The following MIB2 variants were observed in gnomAD, a reference collection of about 807,000 sequenced individuals.
The protein encoded by MIB2 is MIB E3 ubiquitin protein ligase 2.
A neutral mutation model predicts 96.6 loss-of-function variants in MIB2; 78 were observed. The observed-to-expected ratio is 0.81, with a 90% CI of 0.67 to 0.97. The LOEUF is 0.97. Among genes scored for constraint, MIB2 ranks in the 50% least tolerant of loss-of-function variants. The pLI is 0.00. For missense variants in MIB2, 1,543 were observed against 1,424.0 expected, an observed-to-expected ratio of 1.08 and a Z score of -1.35; for synonymous variants, 820 against 629.5, an observed-to-expected ratio of 1.30 and a Z score of -4.53.
intron 2 of MIB2, among the ~76,000 whole-genome samples, chr1:1,619,765 C>T (rs1569637097): frequency 6.6e-6 from 1 of 152,284 alleles, no homozygotes; most frequent in East Asian, 1.9e-4. Context: ...GGGGCTGGTT[C>T]CAGGCACAAG....
Position 1,628,660 on chromosome 1 carries a change from C to T in MIB2, c.2140C>T (p.Leu714=), listed in dbSNP as rs749374291. 3 of 1,587,842 alleles carry T rather than the reference C, an allele frequency of 1.9e-6. No homozygotes were observed. The highest frequency in any genetic ancestry group is 2.6e-6 in the Non-Finnish European group (3 of 1,170,028). ...GCACGTGGCGCTGCAGCGTCATCAG[C>T]TGCTGCCCCTGGTGGCTGATGGGGC... is the stretch of plus-strand genomic sequence containing the variant. ...ALHVALQRHQ[L]LPLVADGAGG... The change falls in exon 16 of 20, where the codon CTG becomes TTG. Residue 714 remains leucine (L), a synonymous_variant. Transcript: ENST00000355826.
rs758619966 is a variant in MIB2 at position 1,629,621 on chromosome 1, G to A, written c.2564-18G>A. Reference sequence around the variant, plus strand: ...CCGGCTAGTAGGGCCGCAGCCAACCGCGCTCTCCTCTTCGCAGAGTGCGCG... The same window carrying A: ...CCGGCTAGTAGGGCCGCAGCCAACCACGCTCTCCTCTTCGCAGAGTGCGCG... On this transcript the variant is annotated intron_variant, in intron 18 of 19. Transcript: ENST00000355826. 3.8e-6 allele frequency: 6 copies of A among 1,576,246 alleles called. No individual in the cohort carries two copies. Among genetic ancestry groups the A allele is most frequent in the Middle Eastern group, 1.7e-4 (1 of 5,954 alleles).
rs751140238 is a variant in MIB2 at position 1,627,808 on chromosome 1, C to T, written c.1659C>T (p.Arg553=). 28 of 1,599,130 alleles carry T rather than the reference C, an allele frequency of 1.8e-5. No individual in the cohort carries two copies. In the African/African-American group the frequency reaches 1.9e-4, roughly 11 times the overall value. The change falls in exon 13 of 20, where the codon CGC becomes CGT. Residue 553 remains arginine, a synonymous_variant. Transcript: ENST00000355826. ...FLEVVRALCE[R]GCDVNLPDAH... ...AGGTGGTGCGGGCCCTGTGTGAGCG[C>T]GGCTGTGACGTCAACCTGCCCGTGA...
In MIB2 at chr1:1,629,119, G is replaced by A; in HGVS notation, c.2203-14G>A. On this transcript the variant is annotated splice_polypyrimidine_tract_variant and intron_variant, in intron 16 of 19. Coordinates refer to ENST00000355826, the MANE Select transcript of MIB2 (RefSeq NM_001170687.4). ...CCGGCGCCCGCCCTCACCGGCGTCTGTCCTGCCGCCCAGCTACAGGCCTCG... is the reference window on the plus strand; with the variant it reads ...CCGGCGCCCGCCCTCACCGGCGTCTATCCTGCCGCCCAGCTACAGGCCTCG... 1 of 1,474,078 alleles carries A rather than the reference G, an allele frequency of 6.8e-7. No homozygotes were observed. The highest frequency in any genetic ancestry group is 8.9e-7 in the Non-Finnish European group (1 of 1,122,254). The allele number at this position is 1,474,078 out of a possible 1,614,324, so 91.3% of individuals were successfully genotyped here.
intron 2 of MIB2, 50 bp downstream of exon 2, chr1:1,616,664 C>T (rs758230893): frequency 2.1e-6 from 3 of 1,450,350 alleles, no homozygotes; most frequent in South Asian, 1.3e-5. Flanking sequence ...GGCTCTCCCA[C>T]TTTGGGGCTC....
intron 2 of MIB2, among the ~76,000 whole-genome samples, chr1:1,620,571 C>T (rs1439261313): frequency 6.6e-6 from 1 of 152,196 alleles, no homozygotes; most frequent in Non-Finnish European, 1.5e-5. Context: ...GTGGGGTCTG[C>T]AACCCTAAGG....
rs765453652 is a variant in MIB2 at position 1,629,160 on chromosome 1, G to A, written c.2230G>A (p.Ala744Thr). The A allele has an allele frequency of 1.1e-5, 16 of 1,502,130 alleles. No individual in the cohort carries two copies. The Admixed American group carries it at 3.4e-4, about 32-fold the overall frequency. 93.1% of individuals were successfully genotyped at this position (1,502,130 alleles called of 1,614,324 possible). ...ACAGGCCTCGGGCCTCCCCGGCAGC[G>A]CGGAGCTGACGGTGGGCGCGGCGGT... The part of the protein sequence containing the change: ...RLQASGLPGS[A>T]ELTVGAAVAC... Residue 744 changes from alanine to threonine, a missense_variant, in exon 17 of 20, where the codon GCG (alanine) becomes ACG (threonine). Coordinates refer to ENST00000355826, the MANE Select transcript of MIB2 (RefSeq NM_001170687.4).
Position 1,628,099 on chromosome 1 carries a change from G to A in MIB2, c.1761G>A (p.Glu587=). 6.2e-7 allele frequency: 1 copy of A among 1,613,326 alleles called. No homozygotes were observed. The highest frequency in any genetic ancestry group is 2.2e-5 in the East Asian group (1 of 44,862). ...GCGGCATTGTCGAGGTCCTCACGGAGGTGCCAAACATCGATGTTACCGCCA... is the reference window on the plus strand; with the variant it reads ...GCGGCATTGTCGAGGTCCTCACGGAAGTGCCAAACATCGATGTTACCGCCA... ...GASGIVEVLT[E]VPNIDVTATN... The change falls in exon 14 of 20, where the codon GAG becomes GAA. Residue 587 remains glutamate (E), a synonymous_variant. Coordinates refer to ENST00000355826, the MANE Select transcript of MIB2 (RefSeq NM_001170687.4).
At position 1,629,236 on chromosome 1, in the gene MIB2, G is replaced by C; in HGVS notation, c.2306G>C (p.Arg769Pro). 6.5e-7 allele frequency: 1 copy of C among 1,544,872 alleles called. No individual in the cohort carries two copies. The highest frequency in any genetic ancestry group is 2.6e-5 in the East Asian group (1 of 39,032). The change falls in exon 17 of 20, where the codon CGC (arginine) becomes CCC (proline). Residue 769 changes from arginine to proline, a missense_variant. Coordinates refer to ENST00000355826, the MANE Select transcript of MIB2 (RefSeq NM_001170687.4). ...EGADVSYTNH[R>P]GRSPLDLAAE... Reference sequence around the variant, plus strand: ...GCCGACGTGAGCTACACCAACCACCGCGGTCGGAGCCCGCTGGACCTGGCC... The same window carrying C: ...GCCGACGTGAGCTACACCAACCACCCCGGTCGGAGCCCGCTGGACCTGGCC...
Position 1,630,326 on chromosome 1 carries a change from C to A in MIB2, c.2664C>A (p.Pro888=). 1 of 1,532,690 alleles carries A rather than the reference C, an allele frequency of 6.5e-7. No homozygotes were observed. The highest frequency in any genetic ancestry group is 2.5e-5 in the East Asian group (1 of 39,722). The allele number at this position is 1,532,690 out of a possible 1,614,324, so 94.9% of individuals were successfully genotyped here. ...AGGTGGCGAGCGCCGCCCCCGCCCC[C>A]GGCCCGCCGCGCCAGCTGGTGGAGG... ...GSEVASAAPA[P]GPPRQLVEEL... Residue 888 remains proline, a synonymous_variant, in exon 20 of 20, where the codon CCC becomes CCA. Coordinates refer to ENST00000355826, the MANE Select transcript of MIB2 (RefSeq NM_001170687.4).
chr1:1,629,059 G>A (rs1478336094), intron 16 of MIB2, 74 bp from the exon 17 acceptor site: 2 of 1,344,218 alleles, frequency 1.5e-6, no homozygotes, highest in South Asian at 3.4e-5. Context: ...TGCTGGGGCT[G>A]CCAGGTGCCA....
intron 2 of MIB2, among the ~76,000 whole-genome samples, chr1:1,621,666 C>G (rs1644269150): frequency 6.6e-6 from 1 of 152,376 alleles, no homozygotes; most frequent in Admixed American, 6.5e-5. Context: ...AAACATCCAC[C>G]CATTCCTGTG....
rs1644487650 is a variant in MIB2, at chr1:1,623,867, T to C, written c.341T>C (p.Leu114Pro). Reference sequence around the variant, plus strand: ...TGCCGTGTGTGCCTGGACTACGACCTCTGCACGCAGTGCTACATGCACAAC... The same window carrying C: ...TGCCGTGTGTGCCTGGACTACGACCCCTGCACGCAGTGCTACATGCACAAC... ...WKCRVCLDYD[L>P]CTQCYMHNKH... The change falls in exon 4 of 20, where the codon CTC becomes CCC. Residue 114 changes from leucine (L) to proline (P), a missense_variant. Leu to Pro is a moderately conservative substitution (Grantham distance 98). Coordinates refer to ENST00000355826, the MANE Select transcript of MIB2 (RefSeq NM_001170687.4). 6.2e-7 allele frequency: 1 copy of C among 1,611,790 alleles called. No individual in the cohort carries two copies. The highest frequency in any genetic ancestry group is 1.3e-5 in the African/African-American group (1 of 74,894).
At chr1:1,628,817 G>A (rs953764416) in intron 16 of MIB2, 95 bp downstream of exon 16, 1 of 1,120,426 alleles carries the variant, frequency 8.9e-7, no homozygotes, top group Non-Finnish European at 1.2e-6. Flanking sequence ...TTCCCCTCCA[G>A]TGATGGCCCA....
chr1:1,625,668 G>A lies in MIB2; in HGVS notation c.972+15G>A. 6.5e-7 allele frequency: 1 copy of A among 1,546,078 alleles called. No homozygotes were observed. Among genetic ancestry groups the A allele is most frequent in the Non-Finnish European group, 8.7e-7 (1 of 1,142,986 alleles). On this transcript the variant is annotated intron_variant, in intron 8 of 19. Transcript: ENST00000355826. The surrounding 1 kb of genome is among the most constrained non-coding windows in gnomAD (Gnocchi z 5.0). ...CGCTCACCAAGGTGCCGGGGGGGCT[G>A]GGCTGCGCCTCATCTGCTTGCTTCT...
At chr1:1,622,055 GGGCTGGCCTGTGAGGCCCA>G (rs200534813) in intron 2 of MIB2, among the ~76,000 whole-genome samples, 8 of 152,352 alleles carry the variant, frequency 5.3e-5, no homozygotes, top group East Asian at 3.9e-4. Flanking sequence ...CCCAGGTGGA[GGGCTGGCCTGTGAGGCCCA>G]GGCTGGCCTG....
In MIB2 at chr1:1,629,178, G is replaced by T. The variant is rs779715918; in HGVS notation, c.2248G>T (p.Ala750Ser). The stretch of plus-strand genomic sequence containing the variant: ...CGGCAGCGCGGAGCTGACGGTGGGC[G>T]CGGCGGTCGCCTGCTTCCTGGCGCT... Reference protein sequence around the residue: ...LPGSAELTVGAAVACFLALEG... With the variant: ...LPGSAELTVGSAVACFLALEG... The change falls in exon 17 of 20, where the codon GCG becomes TCG. Residue 750 changes from alanine to serine, a missense_variant. Coordinates refer to ENST00000355826, the MANE Select transcript of MIB2 (RefSeq NM_001170687.4). 4 of 1,507,088 alleles carry T rather than the reference G, an allele frequency of 2.7e-6. No individual in the cohort carries two copies. The highest frequency in any genetic ancestry group is 3.5e-6 in the Non-Finnish European group (4 of 1,136,000). 93.4% of individuals were successfully genotyped at this position (1,507,088 alleles called of 1,614,324 possible).
chr1:1,629,641 T>C lies in MIB2; in HGVS notation c.2566T>C (p.Cys856Arg). The C allele has an allele frequency of 6.3e-7, 1 of 1,592,200 alleles. No individual in the cohort carries two copies. Among genetic ancestry groups the C allele is most frequent in the Non-Finnish European group, 8.6e-7 (1 of 1,169,584 alleles). Residue 856 changes from cysteine to arginine, a missense_variant and splice_region_variant, in exon 19 of 20, where the codon TGC becomes CGC. Transcript: ENST00000355826. ...CAACCGCGCTCTCCTCTTCGCAGAG[T>C]GCGCGCGCAGGATGAAGAAGTGCAT... Reference protein sequence around the residue: ...PCQHRTVCEECARRMKKCIRC... With the variant: ...PCQHRTVCEERARRMKKCIRC...
intron 2 of MIB2, chr1:1,617,158 A>C (rs1445053735): frequency 1.3e-5 from 2 of 156,966 alleles, no homozygotes; most frequent in Non-Finnish European, 2.8e-5. Flanking sequence ...TGGGATGTCC[A>C]TCTGCGTTAG....
Sources: allele counts gnomAD v4.1 joint callset (sites outside exome capture counted in the v4.1 genomes callset), GRCh38; gene constraint gnomAD v4.1.1; non-coding constraint Gnocchi (gnomAD v3.1); transcripts MANE v1.5; gene names NCBI Gene and HGNC (gene_info 2026-07-23, HGNC 2026-07-21).